MAGED1: variants seen among roughly 807,000 people sequenced by gnomAD.
MAGED1 encodes MAGE family member D1, also known as melanoma-associated antigen D1.
A neutral mutation model predicts 54.1 loss-of-function variants in MAGED1; 3 were observed. The ratio of observed to expected loss-of-function variants is 0.06; its 90% CI spans 0.03 to 0.14. MAGED1 has a LOEUF of 0.14. Among genes scored for constraint, MAGED1 ranks in the 10% least tolerant of loss-of-function variants. The pLI is 1.00. For synonymous variants in MAGED1, 217 were observed against 227.3 expected (o/e 0.95, Z 0.41); for missense variants, 485 against 623.4 (o/e 0.78, Z 2.36).
rs1346491433 is a variant in MAGED1 at position 51,881,031 on chromosome X, T to C, written c.-36-13238T>C. Among the ~76,000 whole-genome samples the C allele has an allele frequency of 2.7e-5, 3 of 111,282 alleles. No homozygotes were observed. In the East Asian group the frequency reaches 8.5e-4, roughly 32 times the overall value. The stretch of plus-strand genomic sequence containing the variant: ...GGCTTAAACAATAGAAATATACTTC[T>C]CACCATTCTGGAGGCTGGGAAGTCC... On this transcript the variant is annotated intron_variant, in intron 1 of 12. Transcript: ENST00000375772.
intron 1 of MAGED1, among the ~76,000 whole-genome samples, chrX:51,834,629 T>G (rs1926179922): frequency 8.9e-6 from 1 of 112,030 alleles, no homozygotes; most frequent in Non-Finnish European, 1.9e-5. Context: ...ATACTTTTTA[T>G]TTTTTCTTAT....
intron 1 of MAGED1, among the ~76,000 whole-genome samples, chrX:51,809,030 A>T (rs1034521853): frequency 1.8e-5 from 2 of 112,380 alleles, no homozygotes; most frequent in African/African-American, 3.2e-5. Flanking sequence ...TTAAGTCAGT[A>T]TCCAAACAAG....
At chrX:51,803,308 G>A (rs1924914928) in intron 1 of MAGED1, among the ~76,000 whole-genome samples, 1 of 110,490 alleles carries the variant, frequency 9.1e-6, no homozygotes, top group African/African-American at 3.3e-5. Flanking sequence ...GGAGATGGGG[G>A]GCCCGCTCCT....
rs1217577192 is a variant in MAGED1 at position 51,825,659 on chromosome X, A to G, written c.-37+22542A>G. 2.7e-5 allele frequency among the ~76,000 whole-genome samples: 3 copies of G among 111,659 alleles called. No homozygotes were observed. In the Admixed American group the frequency reaches 2.9e-4, roughly 11 times the overall value. ...GCAACACTTAGCCAGGCAGTTTACA[A>G]CCGTACATTAGCCTTCACTTCCTGA... On this transcript the variant is annotated intron_variant, in intron 1 of 12. Coordinates refer to the MAGED1 transcript ENST00000375772.
rs1557363879 is a variant in MAGED1 at position 51,894,355 on chromosome X, A to T, written c.45+6A>T. 1 of 1,195,707 alleles carries T rather than the reference A, an allele frequency of 8.4e-7. No homozygotes were observed. The highest frequency in any genetic ancestry group is 1.1e-6 in the Non-Finnish European group (1 of 886,409). ...CGGGCCTCCTCGGCTTCCAGGTGAG[A>T]TCTCCACTCCCCACCCCACCATTTC... On this transcript the variant is annotated splice_donor_region_variant and intron_variant, in intron 2 of 12. Coordinates refer to ENST00000326587, the MANE Select transcript of MAGED1 (RefSeq NM_006986.4).
At chrX:51,889,627 CAAAAAAAAAA>C (rs1170454113), upstream of MAGED1, among the ~76,000 whole-genome samples, 2 of 16,919 alleles carry the variant, frequency 1.2e-4, no homozygotes, top group Non-Finnish European at 2.6e-4. Context: ...GACTCTGTCT[CAAAAAAAAAA>C]AAAAAAAAAA....
rs782046985 is a variant in MAGED1 at position 51,894,688 on chromosome X, C to T, written c.45+339C>T. The T allele has an allele frequency of 5.1e-6, 6 of 1,179,052 alleles. No homozygotes were observed. In the East Asian group the frequency reaches 1.8e-4, roughly 35 times the overall value. On this transcript the variant is annotated intron_variant, in intron 2 of 12. Transcript: ENST00000326587. The stretch of plus-strand genomic sequence containing the variant: ...CCCCAGCCTCCTGCCTCCACCCTCC[C>T]TCTTTCTGCATTCCCCACTCTGTGC...
rs782330862 is a variant in MAGED1, at chrX:51,900,385, T to G, written c.1959+89T>G. The G allele has an allele frequency of 1.6e-4, 113 of 704,977 alleles. 1 individual carries two copies. The African/African-American group carries it at 2.2e-3, about 14-fold the overall frequency. The allele number at this position is 704,977 out of a possible 1,213,427, so 58.1% of individuals were successfully genotyped here. A position where few individuals can be genotyped will look rare whatever the true frequency, so the allele number is the denominator to read the frequency against. ...CCCAGGGTAGGAATGAGATCCTAGG[T>G]GTGGCAGGTGGTAGGTGCCGCATTG... On this transcript the variant is annotated intron_variant, in intron 11 of 12. Transcript: ENST00000326587.
At position 51,873,534 on chromosome X, in the gene MAGED1, TGAGAGAGAGA is replaced by T. The variant is rs34476955; in HGVS notation, c.-36-20718_-36-20709del. ...TAGACTGTGTGTGTGTGTGTGTGTGTGAGAGAGAGAGAGAGAGAGAGAGAGAAGTTGGGGT... is the reference window on the plus strand; with the variant it reads ...TAGACTGTGTGTGTGTGTGTGTGTGTGAGAGAGAGAGAGAGAAGTTGGGGT... On this transcript the variant is annotated intron_variant, in intron 1 of 12. Transcript: ENST00000375772. Among the ~76,000 whole-genome samples the T allele has an allele frequency of 5.5e-5, 5 of 90,579 alleles. No homozygotes were observed. In the East Asian group the frequency reaches 1.8e-3, roughly 33 times the overall value. 78.7% of individuals were successfully genotyped at this position (90,579 alleles called of 115,157 possible). A position where few individuals can be genotyped will look rare whatever the true frequency, so the allele number is the denominator to read the frequency against.
At chrX:51,868,643 G>C (rs1400930361) in intron 1 of MAGED1, among the ~76,000 whole-genome samples, 1 of 111,886 alleles carries the variant, frequency 8.9e-6, no homozygotes, top group Non-Finnish European at 1.9e-5. Flanking sequence ...AATTGTGCAT[G>C]TGTGTGAATA....
intron 1 of MAGED1, among the ~76,000 whole-genome samples, chrX:51,805,779 GCATC>G (rs1254330656): frequency 9.3e-6 from 1 of 108,045 alleles, no homozygotes; most frequent in Non-Finnish European, 1.9e-5. Context: ...CTTTCTCCAT[GCATC>G]CATCCATCCA....
intron 10 of MAGED1, chrX:51,899,263 C>T (rs1928898932): frequency 9.0e-6 from 1 of 110,843 alleles, no homozygotes; most frequent in Non-Finnish European, 1.9e-5. Context: ...CCTGCCTCAG[C>T]CTCTTGAGTA....
At position 51,846,051 on chromosome X, in the gene MAGED1, C is replaced by T. The variant is rs782432567; in HGVS notation, c.-37+42934C>T. Among the ~76,000 whole-genome samples the T allele has an allele frequency of 1.3e-4, 14 of 111,813 alleles. No homozygotes were observed. In the South Asian group the frequency reaches 2.3e-3, roughly 18 times the overall value. On this transcript the variant is annotated intron_variant, in intron 1 of 12. Transcript: ENST00000375772. ...TCAGCCTCTCAAAGCGCTGGGATTA[C>T]AGGCATGAGCCACCGTGCCCGGCCC...
intron 1 of MAGED1, among the ~76,000 whole-genome samples, chrX:51,886,955 C>T (rs909129888): frequency 1.0e-4 from 11 of 109,834 alleles, no homozygotes; most frequent in Non-Finnish European, 1.5e-4. Context: ...ACTTGGGAGG[C>T]TGAAGTGGGA....
At chrX:51,867,573 C>T (rs902943906) in intron 1 of MAGED1, among the ~76,000 whole-genome samples, 6 of 111,674 alleles carry the variant, frequency 5.4e-5, no homozygotes, top group Non-Finnish European at 1.1e-4. Flanking sequence ...AGATTGTGCC[C>T]ACCAGTTGAA....
chrX:51,813,665 G>A (rs1925306140), intron 1 of MAGED1, among the ~76,000 whole-genome samples: 1 of 111,715 alleles, frequency 9.0e-6, no homozygotes, highest in African/African-American at 3.3e-5. Flanking sequence ...AATTTGGGTG[G>A]GGTCCCTCCT....
chrX:51,896,614 G>A lies in MAGED1; in HGVS notation c.959G>A (p.Arg320His), dbSNP rs373153783. ...ACAGCCAGGCAGACCCCACCAGCAC[G>A]TCAGAGCCCTCCAGCTAGGCAGACC... The part of the protein sequence containing the change: ...NQTARQTPPA[R>H]QSPPARQTPP... The change falls in exon 4 of 13, where the codon CGT becomes CAT. Residue 320 changes from arginine to histidine, a missense_variant. This residue lies in a region of MAGED1 where 299 missense variants were observed against 293.1 expected (regional missense o/e 1.02). Coordinates refer to ENST00000326587, the MANE Select transcript of MAGED1 (RefSeq NM_006986.4). 2.2e-5 allele frequency: 27 copies of A among 1,210,442 alleles called. No homozygotes were observed. The highest frequency in any genetic ancestry group is 2.3e-4 in the Middle Eastern group (1 of 4,373).
chrX:51,888,635 G>C (rs1557363054), upstream of MAGED1, among the ~76,000 whole-genome samples: 1 of 112,152 alleles, frequency 8.9e-6, no homozygotes, highest in African/African-American at 3.2e-5. Flanking sequence ...AGAGAATTGG[G>C]AACTTAGGTT....
chrX:51,895,035 TC>T lies in MAGED1; in HGVS notation c.46-12del, dbSNP rs782090868. On this transcript the variant is annotated splice_polypyrimidine_tract_variant and intron_variant, in intron 2 of 12. Transcript: ENST00000326587. ...TCAGAGGCCCAGAGATTTAATTTTT[TC>T]CCCCCTGTGTTTGCAGGCTGAGGCC... 267 of 1,162,478 alleles carry T rather than the reference TC, an allele frequency of 2.3e-4. No individual in the cohort carries two copies. The highest frequency in any genetic ancestry group is 2.9e-4 in the Non-Finnish European group (255 of 864,946).
Sources: allele counts gnomAD v4.1 joint callset (sites outside exome capture counted in the v4.1 genomes callset), GRCh38; gene constraint gnomAD v4.1.1; regional missense constraint gnomAD v4.1.1; transcripts MANE v1.5; gene names NCBI Gene and HGNC (gene_info 2026-07-23, HGNC 2026-07-21).